The following RAD54L2 variants were observed in gnomAD, a reference collection of about 807,000 sequenced individuals.
The protein encoded by RAD54L2 is RAD54 like 2, also known as helicase ARIP4.
In RAD54L2, 27 loss-of-function variants were observed where a neutral mutation model predicts 138.4. That is an observed-to-expected ratio of 0.20 (90% CI 0.14 to 0.27). The LOEUF is 0.27. Among genes scored for constraint, RAD54L2 ranks in the 10% least tolerant of loss-of-function variants. RAD54L2 has a pLI of 1.00. For synonymous variants in RAD54L2, 644 were observed against 723.2 expected (o/e 0.89, Z 1.76); for missense variants, 1,396 against 1,890.2 (o/e 0.74, Z 4.85).
In RAD54L2 at chr3:51,587,058, T is replaced by C. The variant is rs1699726727; in HGVS notation, c.-54-3309T>C. ...TCTAATTGATTTACTACTTCCTTTC[T>C]AAAACCTATTAAATGAACCAGTGAC... On this transcript the variant is annotated intron_variant, in intron 2 of 22. Transcript: ENST00000684192. 2.0e-5 allele frequency among the ~76,000 whole-genome samples: 3 copies of C among 152,058 alleles called. No homozygotes were observed. In the South Asian group the frequency reaches 6.2e-4, roughly 31 times the overall value.
chr3:51,661,470 G>A (rs149598073), intron 22 of RAD54L2, among the ~76,000 whole-genome samples: 38 of 152,308 alleles, frequency 2.5e-4, no homozygotes, highest in African/African-American at 9.1e-4. Context: ...CACTGACAGT[G>A]CTTTTTCACA....
intron 5 of RAD54L2, 118 bp downstream of exon 5, chr3:51,629,591 G>C (rs1700786857): frequency 7.8e-7 from 1 of 1,289,716 alleles, no homozygotes. Flanking sequence ...GGGCGCGGTG[G>C]CTCACGCCTG....
At chr3:51,602,966 A>T (rs897625261) in intron 3 of RAD54L2, among the ~76,000 whole-genome samples, 5 of 151,986 alleles carry the variant, frequency 3.3e-5, no homozygotes, top group Admixed American at 2.0e-4. Context: ...AGTACCTAGG[A>T]CTACAGGTGC....
chr3:51,603,854 A>G (rs550178449), intron 3 of RAD54L2, among the ~76,000 whole-genome samples: 4 of 152,190 alleles, frequency 2.6e-5, no homozygotes, highest in Admixed American at 2.0e-4. Context: ...GTGGTTGTCT[A>G]GGGAAAAAAT....
At chr3:51,595,303 A>G (rs952154718) in intron 3 of RAD54L2, among the ~76,000 whole-genome samples, 1 of 152,166 alleles carries the variant, frequency 6.6e-6, no homozygotes, top group Admixed American at 6.6e-5. Flanking sequence ...AAGGGTAATG[A>G]GGATTAGAAC....
chr3:51,561,215 C>T (rs1699089762), intron 2 of RAD54L2, among the ~76,000 whole-genome samples: 1 of 152,168 alleles, frequency 6.6e-6, no homozygotes, highest in South Asian at 2.1e-4. Context: ...AAACATTCTG[C>T]TTTCTTGTCT....
intron 19 of RAD54L2, among the ~76,000 whole-genome samples, chr3:51,648,423 C>T (rs1226199116): frequency 2.0e-5 from 3 of 152,234 alleles, no homozygotes; most frequent in East Asian, 1.9e-4. Flanking sequence ...TGTTCCCCGT[C>T]TGACAGCTCT....
chr3:51,617,604 G>A (rs552434489), intron 3 of RAD54L2, among the ~76,000 whole-genome samples: 9 of 152,194 alleles, frequency 5.9e-5, no homozygotes, highest in Non-Finnish European at 8.8e-5. Flanking sequence ...GGCCAGGTAT[G>A]GTGACTCATG....
intron 20 of RAD54L2, 60 bp downstream of exon 20, chr3:51,656,230 T>C (rs1577467898): frequency 7.0e-7 from 1 of 1,435,044 alleles, no homozygotes; most frequent in Non-Finnish European, 9.4e-7. Context: ...CTTTGTTCAT[T>C]TAGGAAGTAT....
intron 3 of RAD54L2, among the ~76,000 whole-genome samples, chr3:51,602,680 C>T (rs1279118737): frequency 6.6e-6 from 1 of 152,132 alleles, no homozygotes; most frequent in African/African-American, 2.4e-5. Context: ...ATACATTCAT[C>T]CAGTCATTCA....
intron 2 of RAD54L2, among the ~76,000 whole-genome samples, chr3:51,555,720 G>A (rs927745609): frequency 6.6e-6 from 1 of 152,108 alleles, no homozygotes; most frequent in African/African-American, 2.4e-5. Flanking sequence ...GGCCATGGTC[G>A]TTCATTTTTG....
chr3:51,596,595 A>G (rs1484512865), intron 3 of RAD54L2, among the ~76,000 whole-genome samples: 1 of 152,186 alleles, frequency 6.6e-6, no homozygotes, highest in East Asian at 1.9e-4. Context: ...AGATATATGT[A>G]AAATCTTAGT....
chr3:51,554,828 C>A (rs965827912), intron 2 of RAD54L2, among the ~76,000 whole-genome samples: 8 of 151,906 alleles, frequency 5.3e-5, no homozygotes, highest in Non-Finnish European at 1.2e-4. Flanking sequence ...TAACTCAGAC[C>A]CTCATTTCTT....
chr3:51,551,715 G>T (rs1340947672), intron 2 of RAD54L2, among the ~76,000 whole-genome samples: 1 of 151,542 alleles, frequency 6.6e-6, no homozygotes, highest in African/African-American at 2.4e-5. Flanking sequence ...GATTACAGGC[G>T]TGAGCCACTG....
At chr3:51,587,170 G>A (rs1357891681) in intron 2 of RAD54L2, among the ~76,000 whole-genome samples, 3 of 150,920 alleles carry the variant, frequency 2.0e-5, no homozygotes, top group Non-Finnish European at 4.4e-5. Context: ...GCGTGATCTC[G>A]GCTCACTGCA....
At chr3:51,576,330 A>G (rs1699480981) in intron 2 of RAD54L2, among the ~76,000 whole-genome samples, 1 of 152,148 alleles carries the variant, frequency 6.6e-6, no homozygotes, top group South Asian at 2.1e-4. Context: ...TGTCTTTGCC[A>G]GGCTTTGGTA....
intron 12 of RAD54L2, 77 bp from the exon 13 acceptor site, chr3:51,639,342 A>T (rs913324260): frequency 1.5e-5 from 23 of 1,518,386 alleles, no homozygotes; most frequent in Non-Finnish European, 6.3e-6. Flanking sequence ...TTGAGCAAGT[A>T]TGTGTTTCCA....
At position 51,639,402 on chromosome 3, in the gene RAD54L2, C is replaced by G; in HGVS notation, c.1861-17C>G. ...GTTTTTTGTCCTGTGTCTCCTCTCCCTTTCCTTGAACCTCAGATCTGGAAT... is the reference window on the plus strand; with the variant it reads ...GTTTTTTGTCCTGTGTCTCCTCTCCGTTTCCTTGAACCTCAGATCTGGAAT... On this transcript the variant is annotated splice_polypyrimidine_tract_variant and intron_variant, in intron 12 of 22. Transcript: ENST00000684192. 1 of 1,612,752 alleles carries G rather than the reference C, an allele frequency of 6.2e-7. No homozygotes were observed. The highest frequency in any genetic ancestry group is 8.5e-7 in the Non-Finnish European group (1 of 1,178,952).
chr3:51,597,870 C>T (rs746987325), intron 3 of RAD54L2, among the ~76,000 whole-genome samples: 8 of 151,182 alleles, frequency 5.3e-5, no homozygotes, highest in Non-Finnish European at 1.2e-4. Context: ...AGGAGATTCG[C>T]TTAAACCTGG....
Sources: gnomAD v4.1 joint callset for allele counts (sites outside exome capture counted in the v4.1 genomes callset) on GRCh38, gnomAD v4.1.1 for gene constraint, MANE v1.5 for transcripts, NCBI Gene and HGNC (gene_info 2026-07-23, HGNC 2026-07-21) for gene names.